The following PDE3B variants were observed in gnomAD, a reference collection of about 807,000 sequenced individuals.
PDE3B encodes the protein cGMP-inhibited 3',5'-cyclic phosphodiesterase 3B.
In PDE3B, 66 loss-of-function variants were observed where a neutral mutation model predicts 116.8. The observed-to-expected ratio is 0.56, with a 90% CI of 0.46 to 0.69. PDE3B has a LOEUF of 0.69. Ranked by LOEUF, PDE3B falls within the 30% of genes least tolerant of loss-of-function variation. The pLI is 0.00. For synonymous variants in PDE3B, 595 were observed against 533.6 expected (o/e 1.12, Z -1.59); for missense variants, 1,384 against 1,368.1 (o/e 1.01, Z -0.18).
At chr11:14,879,437 A>G in the PDE3B span, 1 of 1,600,486 alleles carries the variant, frequency 6.2e-7, no homozygotes, top group African/African-American at 1.3e-5. Context: ...CTCTTTCTGA[A>G]CTTGTCCTGT....
chr11:14,726,764 T>G (rs1295049253), intron 1 of PDE3B, among the ~76,000 whole-genome samples: 1 of 152,128 alleles, frequency 6.6e-6, no homozygotes, highest in African/African-American at 2.4e-5. Flanking sequence ...AGATGAAGAT[T>G]GTTTTGTGGC....
chr11:14,667,124 G>A (rs1854183229), intron 1 of PDE3B, among the ~76,000 whole-genome samples: 1 of 152,114 alleles, frequency 6.6e-6, no homozygotes, highest in African/African-American at 2.4e-5. Context: ...AGGAGTTCAT[G>A]TCCTTTGTAG....
rs1853265409 is a variant in PDE3B, at chr11:14,643,824, G to A, written c.-252G>A. 3 of 450,734 alleles carry A rather than the reference G, an allele frequency of 6.7e-6. No individual in the cohort carries two copies. Among genetic ancestry groups the A allele is most frequent in the Non-Finnish European group, 7.6e-6 (2 of 262,406 alleles). The allele number at this position is 450,734 out of a possible 1,614,324, so 27.9% of individuals were successfully genotyped here. ...TCTCCAGTCCCGAGAGGTGCCCGAG[G>A]GAAAAGGAGGCGGCAGCTAAACTGG... On this transcript the variant is annotated 5_prime_UTR_variant, in exon 1 of 16. Coordinates refer to ENST00000282096, the MANE Select transcript of PDE3B (RefSeq NM_000922.4).
chr11:14,862,896 T>A (rs148798198), intron 14 of PDE3B, among the ~76,000 whole-genome samples: 50 of 152,254 alleles, frequency 3.3e-4, no homozygotes, highest in Admixed American at 8.5e-4. Flanking sequence ...AATTTTTTTT[T>A]AAATTATTCT....
At chr11:14,742,717 A>T (rs1856805508) in intron 1 of PDE3B, among the ~76,000 whole-genome samples, 1 of 151,922 alleles carries the variant, frequency 6.6e-6, no homozygotes, top group Non-Finnish European at 1.5e-5. Context: ...ATCTTTGTGG[A>T]TTTATCTACC....
Position 14,850,245 on chromosome 11 carries a change from A to G in PDE3B, c.2520+6219A>G, listed in dbSNP as rs866721052. On this transcript the variant is annotated intron_variant, in intron 12 of 15. Coordinates refer to ENST00000282096, the MANE Select transcript of PDE3B (RefSeq NM_000922.4). ...CAGTAAACTATCGCAAGAACAAAAA[A>G]CCAAACACCGCATATTCTCAGTCAT... Among the ~76,000 whole-genome samples the G allele has an allele frequency of 6.7e-3, 1,020 of 152,050 alleles. 9 individuals are homozygous for G. The highest frequency in any genetic ancestry group is 0.024 in the African/African-American group (981 of 41,484).
intron 2 of PDE3B, among the ~76,000 whole-genome samples, 190 bp from the exon 3 acceptor site, chr11:14,786,247 G>C (rs1472730005): frequency 2.6e-5 from 4 of 151,828 alleles, no homozygotes; most frequent in Non-Finnish European, 5.9e-5. Context: ...TAGTCATAAG[G>C]TAATTCAGTG....
At chr11:14,893,785 G>C in the PDE3B span, among the ~76,000 whole-genome samples, 4 of 152,120 alleles carry the variant, frequency 2.6e-5, no homozygotes, top group Admixed American at 2.6e-4. Flanking sequence ...CAGCTGATTA[G>C]CCCTTTAATT....
intron 1 of PDE3B, among the ~76,000 whole-genome samples, chr11:14,761,827 C>G (rs911538772): frequency 2.0e-5 from 3 of 152,040 alleles, no homozygotes; most frequent in African/African-American, 7.2e-5. Flanking sequence ...GGACTAATTT[C>G]TATCTGACTA....
At chr11:14,882,492 G>C in the PDE3B span, among the ~76,000 whole-genome samples, 2 of 152,112 alleles carry the variant, frequency 1.3e-5, no homozygotes, top group Non-Finnish European at 2.9e-5. Context: ...AGAAGGTACA[G>C]AGGAGCACTG....
At chr11:14,682,124 T>C (rs1412923003) in intron 1 of PDE3B, among the ~76,000 whole-genome samples, 1 of 152,174 alleles carries the variant, frequency 6.6e-6, no homozygotes. Flanking sequence ...ATCATAAAGG[T>C]CTTCATCCTC....
chr11:14,890,844 G>A, the PDE3B span: 7 of 984,802 alleles, frequency 7.1e-6, no homozygotes, highest in East Asian at 1.1e-4. Context: ...CACCGCGCCC[G>A]GGCACCTAGA....
chr11:14,706,009 A>T (rs527559303), intron 1 of PDE3B, among the ~76,000 whole-genome samples: 1 of 152,008 alleles, frequency 6.6e-6, no homozygotes, highest in South Asian at 2.1e-4. Context: ...CTTGTTTTAT[A>T]TGTGTTCAAT....
chr11:14,725,256 G>T (rs539714668), intron 1 of PDE3B, among the ~76,000 whole-genome samples: 5 of 150,854 alleles, frequency 3.3e-5, no homozygotes, highest in Admixed American at 2.0e-4. Context: ...TCTTTCTTTC[G>T]TTCTTTCTTT....
chr11:14,826,002 A>C (rs1284386250), intron 7 of PDE3B, among the ~76,000 whole-genome samples: 1 of 152,186 alleles, frequency 6.6e-6, no homozygotes, highest in Non-Finnish European at 1.5e-5. Flanking sequence ...AAAGTAAACA[A>C]CTGGCTCCTG....
the PDE3B span, among the ~76,000 whole-genome samples, chr11:14,896,137 C>T: frequency 6.6e-6 from 1 of 152,210 alleles, no homozygotes; most frequent in Non-Finnish European, 1.5e-5. Context: ...ATCCAGCTAC[C>T]CACTGGGCCA....
intron 14 of PDE3B, among the ~76,000 whole-genome samples, chr11:14,863,754 T>G (rs1162829017): frequency 6.6e-6 from 1 of 152,198 alleles, no homozygotes; most frequent in African/African-American, 2.4e-5. Context: ...AAGCAAATAC[T>G]GAGAGATTTT....
At chr11:14,777,288 C>T (rs1231059851) in intron 2 of PDE3B, among the ~76,000 whole-genome samples, 1 of 152,084 alleles carries the variant, frequency 6.6e-6, no homozygotes, top group African/African-American at 2.4e-5. Flanking sequence ...ATTTGTATTG[C>T]TCGTGTTTGA....
chr11:14,668,486 C>G (rs1854256842), intron 1 of PDE3B, among the ~76,000 whole-genome samples: 1 of 152,012 alleles, frequency 6.6e-6, no homozygotes, highest in African/African-American at 2.4e-5. Context: ...AATGAATACA[C>G]TAAACTTTTA....
Sources: gnomAD v4.1 joint callset for allele counts (sites outside exome capture counted in the v4.1 genomes callset) on GRCh38, gnomAD v4.1.1 for gene constraint, MANE v1.5 for transcripts, NCBI Gene and HGNC (gene_info 2026-07-23, HGNC 2026-07-21) for gene names.